SUCLG2: variants seen among roughly 807,000 people sequenced by gnomAD.
SUCLG2 encodes succinate--CoA ligase [GDP-forming] subunit beta, mitochondrial.
SUCLG2 carries 42 observed loss-of-function variants against 47.9 expected under a neutral mutation model. The observed-to-expected ratio is 0.88, with a 90% CI of 0.69 to 1.14. SUCLG2 has a LOEUF of 1.14. Among genes scored for constraint, SUCLG2 ranks in the 50% most tolerant of loss-of-function variants. SUCLG2 has a pLI of 0.00. For missense variants in SUCLG2, 571 were observed against 525.9 expected, an observed-to-expected ratio of 1.09 and a Z score of -0.84; for synonymous variants, 195 against 197.3, an observed-to-expected ratio of 0.99 and a Z score of 0.10.
At chr3:67,400,265 A>G (rs1702653737) in intron 10 of SUCLG2, among the ~76,000 whole-genome samples, 1 of 151,760 alleles carries the variant, frequency 6.6e-6, no homozygotes, top group Non-Finnish European at 1.5e-5. Flanking sequence ...AAAATATACC[A>G]TAAAATATAC....
At chr3:67,546,324 A>T (rs1332218310) in intron 2 of SUCLG2, among the ~76,000 whole-genome samples, 1 of 152,248 alleles carries the variant, frequency 6.6e-6, no homozygotes, top group Non-Finnish European at 1.5e-5. Context: ...GCTTTTAAGT[A>T]GTTCTCCAAT....
In SUCLG2 at chr3:67,607,292, C is replaced by G. The variant is rs150184146; in HGVS notation, c.226+2163G>C. 1.4e-3 allele frequency among the ~76,000 whole-genome samples: 208 copies of G among 152,188 alleles called. 3 individuals are homozygous for G. In the East Asian group the frequency reaches 0.025, roughly 19 times the overall value. ...TGTGCTGGAAGTGTAGCATTCCAACCAGGTTTCTGAAGATTGGGACAAAAA... is the reference window on the plus strand; with the variant it reads ...TGTGCTGGAAGTGTAGCATTCCAACGAGGTTTCTGAAGATTGGGACAAAAA... On this transcript the variant is annotated intron_variant, in intron 2 of 10. Coordinates refer to ENST00000307227, the MANE Select transcript of SUCLG2 (RefSeq NM_003848.4).
intron 1 of SUCLG2, among the ~76,000 whole-genome samples, chr3:67,620,305 C>T (rs753412062): frequency 7.3e-6 from 1 of 136,436 alleles, no homozygotes; most frequent in African/African-American, 3.0e-5. Flanking sequence ...ATGATGAGGC[C>T]GGGTGCAGTG....
intron 6 of SUCLG2, among the ~76,000 whole-genome samples, chr3:67,510,397 G>A (rs1705754364): frequency 6.6e-6 from 1 of 152,110 alleles, no homozygotes; most frequent in East Asian, 1.9e-4. Context: ...TTAAATATTT[G>A]CATAGGTAGA....
chr3:67,614,313 T>C (rs1420049966), intron 1 of SUCLG2, among the ~76,000 whole-genome samples: 16 of 151,968 alleles, frequency 1.1e-4, no homozygotes, highest in Admixed American at 6.6e-4. Context: ...CCAGGCTTTG[T>C]TGTCCTCTTT....
At chr3:67,415,871 CA>C (rs1319865261) in intron 9 of SUCLG2, among the ~76,000 whole-genome samples, 9 of 152,316 alleles carry the variant, frequency 5.9e-5, no homozygotes, top group African/African-American at 2.2e-4. Flanking sequence ...GTACACATGA[CA>C]GTGTGCGACT....
chr3:67,640,301 A>G (rs1309377836), intron 1 of SUCLG2, among the ~76,000 whole-genome samples: 1 of 152,222 alleles, frequency 6.6e-6, no homozygotes, highest in African/African-American at 2.4e-5. Flanking sequence ...AAAGTTAAGC[A>G]TGTATCTGGC....
intron 9 of SUCLG2, among the ~76,000 whole-genome samples, chr3:67,462,900 G>A (rs1704373980): frequency 6.6e-6 from 1 of 152,158 alleles, no homozygotes; most frequent in Admixed American, 6.5e-5. Flanking sequence ...TGCCCAGCTA[G>A]TGTCTGCTGC....
chr3:67,588,019 G>A (rs963131997), intron 2 of SUCLG2, among the ~76,000 whole-genome samples: 1 of 152,188 alleles, frequency 6.6e-6, no homozygotes, highest in Non-Finnish European at 1.5e-5. Context: ...AGAGACAGGA[G>A]AAGATGCTAG....
At chr3:67,367,913 A>G (rs55928225) in intron 10 of SUCLG2, among the ~76,000 whole-genome samples, 1,538 of 152,312 alleles carry the variant, frequency 0.01, 11 homozygotes, top group South Asian at 0.019. Context: ...AAACACATTT[A>G]AAATTAGCAT....
chr3:67,454,405 T>TAA (rs199930632), intron 9 of SUCLG2, among the ~76,000 whole-genome samples: 2 of 14,980 alleles, frequency 1.3e-4, no homozygotes, highest in African/African-American at 5.8e-4. Context: ...ATCAAATATA[T>TAA]AAAAAAAAAA....
At chr3:67,615,994 T>A (rs1262455207) in intron 1 of SUCLG2, among the ~76,000 whole-genome samples, 3 of 151,884 alleles carry the variant, frequency 2.0e-5, no homozygotes, top group African/African-American at 2.4e-5. Flanking sequence ...CAACACAGTA[T>A]CACCAAGTAA....
At chr3:67,506,235 T>C (rs964553804) in intron 7 of SUCLG2, among the ~76,000 whole-genome samples, 2 of 152,220 alleles carry the variant, frequency 1.3e-5, no homozygotes, top group Non-Finnish European at 2.9e-5. Context: ...GAGGGGACTG[T>C]GATAATGATG....
chr3:67,585,542 T>G (rs1387396168), intron 2 of SUCLG2, among the ~76,000 whole-genome samples: 1 of 152,230 alleles, frequency 6.6e-6, no homozygotes, highest in Non-Finnish European at 1.5e-5. Context: ...TTCCATCATC[T>G]GTCTCCAGCT....
At chr3:67,496,418 C>T (rs996813192) in intron 8 of SUCLG2, among the ~76,000 whole-genome samples, 3 of 146,546 alleles carry the variant, frequency 2.0e-5, no homozygotes, top group African/African-American at 5.2e-5. Context: ...AGAATATGGT[C>T]CTTTGAATGT....
chr3:67,393,120 C>A (rs1394979913), intron 10 of SUCLG2, among the ~76,000 whole-genome samples: 1 of 152,254 alleles, frequency 6.6e-6, no homozygotes, highest in Non-Finnish European at 1.5e-5. Context: ...TTCTGCATTT[C>A]CATCTGAGGT....
At chr3:67,632,679 A>G (rs1359569731) in intron 1 of SUCLG2, among the ~76,000 whole-genome samples, 1 of 152,166 alleles carries the variant, frequency 6.6e-6, no homozygotes, top group African/African-American at 2.4e-5. Context: ...GCACTGTTTC[A>G]GCGTATTGCT....
rs577329772 is a variant in SUCLG2 at position 67,450,439 on chromosome 3, T to C, written c.1062+45359A>G. 3.9e-5 allele frequency among the ~76,000 whole-genome samples: 6 copies of C among 152,334 alleles called. No homozygotes were observed. The South Asian group carries it at 1.2e-3, about 32-fold the overall frequency. On this transcript the variant is annotated intron_variant, in intron 9 of 10. Transcript: ENST00000307227. The stretch of plus-strand genomic sequence containing the variant: ...TAAGCCATATTGGCACCAAGAGACT[T>C]TCTTGAGATTTTCTGGAATTGAAAA...
At chr3:67,594,946 T>C (rs765399611) in intron 2 of SUCLG2, among the ~76,000 whole-genome samples, 1 of 152,142 alleles carries the variant, frequency 6.6e-6, no homozygotes, top group African/African-American at 2.4e-5. Context: ...TCTTTCCAAA[T>C]GAAATAATAC....
Sources: gnomAD v4.1 joint callset for allele counts (sites outside exome capture counted in the v4.1 genomes callset) on GRCh38, gnomAD v4.1.1 for gene constraint, MANE v1.5 for transcripts, NCBI Gene and HGNC (gene_info 2026-07-23, HGNC 2026-07-21) for gene names.